The following PLA1A variants were observed in gnomAD, a reference collection of about 807,000 sequenced individuals.
PLA1A encodes the protein phospholipase A1 member A, also known as phosphatidylserine-specific phospholipase A1alpha.
A neutral mutation model predicts 49.4 loss-of-function variants in PLA1A; 47 were observed. The ratio of observed to expected loss-of-function variants is 0.95; its 90% CI spans 0.75 to 1.21. The LOEUF (loss-of-function observed/expected upper bound fraction) is 1.21. Ranked by LOEUF, PLA1A falls within the 50% of genes most tolerant of loss-of-function variation. The pLI is 0.00. For missense variants in PLA1A, 561 were observed against 563.9 expected (o/e 0.99, Z 0.05); for synonymous variants, 224 against 207.9 (o/e 1.08, Z -0.67).
Position 119,619,655 on chromosome 3 carries a change from G to C in PLA1A, c.1012+3G>C, listed in dbSNP as rs2082901688. 6.3e-7 allele frequency: 1 copy of C among 1,586,348 alleles called. No individual in the cohort carries two copies. Among genetic ancestry groups the C allele is most frequent in the Non-Finnish European group, 8.7e-7 (1 of 1,154,476 alleles). The stretch of plus-strand genomic sequence containing the variant: ...TACTTCCAGTGCTCCGTACTGCAGT[G>C]AGTAGGGGGAAATGCATGAGCTCAG... On this transcript the variant is annotated splice_donor_region_variant and intron_variant, in intron 8 of 10. Transcript: ENST00000273371.
Position 119,619,660 on chromosome 3 carries a change from G to C in PLA1A, c.1012+8G>C. 1 of 1,572,738 alleles carries C rather than the reference G, an allele frequency of 6.4e-7. No individual in the cohort carries two copies. Among genetic ancestry groups the C allele is most frequent in the Non-Finnish European group, 8.8e-7 (1 of 1,142,090 alleles). On this transcript the variant is annotated splice_region_variant and intron_variant, in intron 8 of 10. Coordinates refer to ENST00000273371, the MANE Select transcript of PLA1A (RefSeq NM_015900.4). The stretch of plus-strand genomic sequence containing the variant: ...CCAGTGCTCCGTACTGCAGTGAGTA[G>C]GGGGAAATGCATGAGCTCAGCTCTG...
chr3:119,605,655 C>G (rs1447768314), intron 1 of PLA1A, among the ~76,000 whole-genome samples: 1 of 152,238 alleles, frequency 6.6e-6, no homozygotes, highest in Non-Finnish European at 1.5e-5. Flanking sequence ...CCCTGCTGCT[C>G]CTGCCAGTCT....
chr3:119,628,999 C>A, intron 10 of PLA1A, 134 bp downstream of exon 10: 1 of 770,204 alleles, frequency 1.3e-6, no homozygotes, highest in Non-Finnish European at 2.1e-6. Flanking sequence ...TGACAGACAC[C>A]CGGTGTTTTC....
At chr3:119,610,160 C>A (rs1307548232) in intron 4 of PLA1A, among the ~76,000 whole-genome samples, 1 of 152,174 alleles carries the variant, frequency 6.6e-6, no homozygotes, top group African/African-American at 2.4e-5. Flanking sequence ...TAATTTCATT[C>A]TTTTTTATAG....
intron 7 of PLA1A, among the ~76,000 whole-genome samples, chr3:119,618,940 G>A (rs2082890961): frequency 6.6e-6 from 1 of 152,134 alleles, no homozygotes. Context: ...TCCAATGATA[G>A]AACCAGTCAT....
At chr3:119,625,499 A>T (rs1473963254) in intron 9 of PLA1A, among the ~76,000 whole-genome samples, 1 of 152,206 alleles carries the variant, frequency 6.6e-6, no homozygotes, top group Non-Finnish European at 1.5e-5. Context: ...GATGGAGAGG[A>T]CATAGGAATC....
intron 8 of PLA1A, among the ~76,000 whole-genome samples, chr3:119,622,153 GAAGAAGAA>G (rs2082946326): frequency 2.8e-4 from 9 of 32,040 alleles, no homozygotes; most frequent in African/African-American, 3.9e-4. Context: ...GGAGGAGGAA[GAAGAAGAA>G]GAAGAAGAAG....
At chr3:119,628,009 G>GA (rs111370741) in intron 9 of PLA1A, among the ~76,000 whole-genome samples, 169 of 152,230 alleles carry the variant, frequency 1.1e-3, no homozygotes, top group Non-Finnish European at 1.4e-3. Flanking sequence ...AGGGAATCTG[G>GA]GGGGGCAAAG....
chr3:119,616,973 G>A (rs1209770378), intron 6 of PLA1A, among the ~76,000 whole-genome samples: 1 of 152,196 alleles, frequency 6.6e-6, no homozygotes, highest in African/African-American at 2.4e-5. Context: ...GCCATACAGA[G>A]TGTCCCAACC....
At chr3:119,612,687 A>G (rs1012388291) in intron 4 of PLA1A, among the ~76,000 whole-genome samples, 2 of 152,240 alleles carry the variant, frequency 1.3e-5, no homozygotes, top group African/African-American at 2.4e-5. Flanking sequence ...ACGGGGTTGC[A>G]CCATGTTAGC....
Position 119,616,021 on chromosome 3 carries a change from T to G in PLA1A, c.674T>G (p.Ile225Ser), listed in dbSNP as rs367664586. The G allele has an allele frequency of 1.8e-5, 29 of 1,610,602 alleles. No homozygotes were observed. In the East Asian group the frequency reaches 6.2e-4, roughly 35 times the overall value. Residue 225 changes from isoleucine to serine, a missense_variant, in exon 6 of 11, where the codon ATT (isoleucine) becomes AGT (serine). Ile to Ser is a moderately radical substitution (Grantham distance 142). Coordinates refer to ENST00000273371, the MANE Select transcript of PLA1A (RefSeq NM_015900.4). ...AIHTDTDNLG[I>S]RIPVGHVDYF... ...TTGTGCCTCCTTTCAGATTTGGGTA[T>G]TCGGATTCCCGTTGGACATGTGGAC... is the stretch of plus-strand genomic sequence containing the variant.
intron 8 of PLA1A, chr3:119,620,287 T>C (rs2082912025): frequency 2.5e-6 from 1 of 396,734 alleles, no homozygotes; most frequent in African/African-American, 2.1e-5. Context: ...TGGGGTCCTG[T>C]TTGCTTTATC....
rs2082738050 is a variant in PLA1A at position 119,609,569 on chromosome 3, G to C, written c.555G>C (p.Gln185His). 6.4e-7 allele frequency: 1 copy of C among 1,574,622 alleles called. No homozygotes were observed. The highest frequency in any genetic ancestry group is 1.7e-5 in the Admixed American group (1 of 59,790). ...VGQLFGGQLG[Q>H]ITGLDPAGPE... ...AGCTCTTCGGAGGCCAGCTGGGACA[G>C]ATCACAGGTAACATTCCTCCCTGCC... The change falls in exon 4 of 11, where the codon CAG becomes CAC. Residue 185 changes from glutamine (Q) to histidine (H), a missense_variant. Transcript: ENST00000273371.
intron 5 of PLA1A, among the ~76,000 whole-genome samples, chr3:119,614,262 A>C (rs2082812673): frequency 6.6e-6 from 1 of 152,194 alleles, no homozygotes; most frequent in South Asian, 2.1e-4. Flanking sequence ...ACCAAAGCCC[A>C]CAGGCCTCTT....
chr3:119,609,588 C>T lies in PLA1A; in HGVS notation c.562+12C>T. ...GGGACAGATCACAGGTAACATTCCT[C>T]CCTGCCCATCCTCCAGGCTTTAGAG... On this transcript the variant is annotated intron_variant, in intron 4 of 10. Coordinates refer to ENST00000273371, the MANE Select transcript of PLA1A (RefSeq NM_015900.4). 1 of 1,371,302 alleles carries T rather than the reference C, an allele frequency of 7.3e-7. No individual in the cohort carries two copies. The highest frequency in any genetic ancestry group is 1.0e-6 in the Non-Finnish European group (1 of 965,576). The allele number at this position is 1,371,302 out of a possible 1,614,324, so 84.9% of individuals were successfully genotyped here.
Position 119,619,719 on chromosome 3 carries a change from G to A in PLA1A, c.1012+67G>A, listed in dbSNP as rs2082902389. The A allele has an allele frequency of 9.4e-6, 10 of 1,066,904 alleles. No individual in the cohort carries two copies. In the East Asian group the frequency reaches 2.4e-4, roughly 25 times the overall value. 66.1% of individuals were successfully genotyped at this position (1,066,904 alleles called of 1,614,324 possible). ...CCACCAGAGGAGTCCAGCCCAGTGT[G>A]GTAGCCTGGGTGGGAGTGAATGATA... On this transcript the variant is annotated intron_variant, in intron 8 of 10. Coordinates refer to ENST00000273371, the MANE Select transcript of PLA1A (RefSeq NM_015900.4).
In PLA1A at chr3:119,608,224, AAG is replaced by A. The variant is rs1393643729; in HGVS notation, c.276-538_276-537del. ...AAGAAAAGAAAGAAAGAAAGAAAGA[AAG>A]AGAGAGAAAGAAAGAGAGAAAGAAA... On this transcript the variant is annotated intron_variant, in intron 2 of 10. Coordinates refer to ENST00000273371, the MANE Select transcript of PLA1A (RefSeq NM_015900.4). Among the ~76,000 whole-genome samples the A allele has an allele frequency of 5.2e-3, 189 of 36,400 alleles. 1 individual carries two copies. Among genetic ancestry groups the A allele is most frequent in the African/African-American group, 0.03 (175 of 5,872 alleles). 23.9% of individuals were successfully genotyped at this position (36,400 alleles called of 152,430 possible).
rs1221292368 is a variant in PLA1A, at chr3:119,628,789, TCCAA to T, written c.1213_1216del (p.Asn405GlufsTer34). The stretch of plus-strand genomic sequence containing the variant: ...CCAAGTGAAATTCAAGTTTCAGTCT[TCCAA>T]CCGAGTTTGGAAAAAAGACCGGACT... On this transcript the variant is annotated frameshift_variant, in exon 10 of 11. Transcript: ENST00000273371. LOFTEE classifies it high-confidence loss of function. The T allele has an allele frequency of 1.9e-6, 3 of 1,613,962 alleles. No homozygotes were observed. The highest frequency in any genetic ancestry group is 1.3e-5 in the African/African-American group (1 of 74,918).
chr3:119,629,497 C>CT lies in PLA1A; in HGVS notation c.*29_*30insT, dbSNP rs1553795292. On this transcript the variant is annotated 3_prime_UTR_variant, in exon 11 of 11. Transcript: ENST00000273371. Reference sequence around the variant, plus strand: ...AACCTGGGCAGGACACATCTCCCTGCATTTTTTTTTTTTTTTTGAGAGAGA... The same window carrying CT: ...AACCTGGGCAGGACACATCTCCCTGCTATTTTTTTTTTTTTTTTGAGAGAGA... The CT allele has an allele frequency of 1.7e-5, 15 of 892,946 alleles. No individual in the cohort carries two copies. Among genetic ancestry groups the CT allele is most frequent in the Admixed American group, 1.6e-4 (6 of 37,392 alleles). 55.3% of individuals were successfully genotyped at this position (892,946 alleles called of 1,614,324 possible).
Sources: allele counts gnomAD v4.1 joint callset (sites outside exome capture counted in the v4.1 genomes callset), GRCh38; gene constraint gnomAD v4.1.1; transcripts MANE v1.5; gene names NCBI Gene and HGNC (gene_info 2026-07-23, HGNC 2026-07-21).